SLC25A12: variants seen among roughly 807,000 people sequenced by gnomAD.
SLC25A12 encodes the protein solute carrier family 25 member 12.
In SLC25A12, 32 loss-of-function variants were observed where a neutral mutation model predicts 83.3. That is an observed-to-expected ratio of 0.38 (90% CI 0.29 to 0.52). SLC25A12 has a LOEUF of 0.52. Among genes scored for constraint, SLC25A12 ranks in the 20% least tolerant of loss-of-function variants. SLC25A12 has a pLI of 0.84. For synonymous variants in SLC25A12, 267 were observed against 291.1 expected (o/e 0.92, Z 0.84); for missense variants, 611 against 835.6 (o/e 0.73, Z 3.31).
At chr2:171,821,601 A>G (rs1684194871) in intron 9 of SLC25A12, among the ~76,000 whole-genome samples, 1 of 151,972 alleles carries the variant, frequency 6.6e-6, no homozygotes, top group Admixed American at 6.6e-5. Context: ...AAACTTTTCT[A>G]TTATTTTTCC....
chr2:171,828,569 G>T (rs1402835330), intron 8 of SLC25A12, among the ~76,000 whole-genome samples: 1 of 152,076 alleles, frequency 6.6e-6, no homozygotes, highest in East Asian at 1.9e-4. Flanking sequence ...CCTTACACAG[G>T]GTCCACTGTC....
At chr2:171,874,951 T>A (rs890817490) in intron 2 of SLC25A12, among the ~76,000 whole-genome samples, 1 of 152,220 alleles carries the variant, frequency 6.6e-6, no homozygotes, top group Non-Finnish European at 1.5e-5. Flanking sequence ...GCTACTCCCT[T>A]CGCAAACCCC....
At chr2:171,847,538 C>T (rs1353145708) in intron 4 of SLC25A12, among the ~76,000 whole-genome samples, 2 of 152,166 alleles carry the variant, frequency 1.3e-5, no homozygotes, top group African/African-American at 4.8e-5. Flanking sequence ...GCAAGTTCCA[C>T]CCACCCCCAG....
chr2:171,874,449 C>A (rs773307929), intron 2 of SLC25A12, among the ~76,000 whole-genome samples: 1 of 152,128 alleles, frequency 6.6e-6, no homozygotes, highest in South Asian at 2.1e-4. Context: ...GATCTTTGTT[C>A]TCGCTCTTCA....
At chr2:171,878,799 T>C (rs904650023) in intron 2 of SLC25A12, among the ~76,000 whole-genome samples, 4 of 152,174 alleles carry the variant, frequency 2.6e-5, no homozygotes, top group Admixed American at 2.0e-4. Flanking sequence ...ATTTGAACAA[T>C]AAAAGAGGAC....
intron 8 of SLC25A12, among the ~76,000 whole-genome samples, chr2:171,829,773 T>C (rs994875027): frequency 6.6e-6 from 1 of 152,190 alleles, no homozygotes; most frequent in African/African-American, 2.4e-5. Context: ...AGCAACTTGT[T>C]GCACCCTGTT....
intron 5 of SLC25A12, among the ~76,000 whole-genome samples, chr2:171,838,969 G>T (rs1684616133): frequency 6.6e-6 from 1 of 152,030 alleles, no homozygotes; most frequent in African/African-American, 2.4e-5. Flanking sequence ...TAAAATTAAT[G>T]ACTTAAAAAT....
Position 171,893,238 on chromosome 2 carries a change from C to G in SLC25A12, c.33G>C (p.Gly11=), listed in dbSNP as rs772091077. The G allele has an allele frequency of 4.3e-6, 7 of 1,613,896 alleles. No homozygotes were observed. In the East Asian group the frequency reaches 1.3e-4, roughly 31 times the overall value. Reference sequence around the variant, plus strand: ...ATATGTTTCTTAACTCATGAGGATCCCCTCGCTTAGTTGTCTGCACCTGTA... The same window carrying G: ...ATATGTTTCTTAACTCATGAGGATCGCCTCGCTTAGTTGTCTGCACCTGTA... MAVKVQTTKR[G]DPHELRNIFL... The change falls in exon 2 of 18, where the codon GGG becomes GGC. Residue 11 remains glycine (G), a synonymous_variant. Coordinates refer to ENST00000422440, the MANE Select transcript of SLC25A12 (RefSeq NM_003705.5).
intron 5 of SLC25A12, among the ~76,000 whole-genome samples, chr2:171,837,768 A>T (rs1014459575): frequency 6.6e-5 from 10 of 152,106 alleles, no homozygotes; most frequent in African/African-American, 2.4e-4. Context: ...TTTCAAACAA[A>T]TTTTTCAAAT....
At chr2:171,831,678 G>C (rs1244065653) in intron 8 of SLC25A12, among the ~76,000 whole-genome samples, 2 of 152,106 alleles carry the variant, frequency 1.3e-5, no homozygotes, top group African/African-American at 4.8e-5. Flanking sequence ...GGCCAAGGTG[G>C]GTAGATCATC....
chr2:171,881,874 G>C (rs762672558), intron 2 of SLC25A12, among the ~76,000 whole-genome samples: 52 of 152,114 alleles, frequency 3.4e-4, no homozygotes, highest in Non-Finnish European at 6.6e-4. Flanking sequence ...GATGGGGAGA[G>C]GAAGACCACC....
chr2:171,877,164 C>G (rs145593790), intron 2 of SLC25A12, among the ~76,000 whole-genome samples: 151 of 152,244 alleles, frequency 9.9e-4, no homozygotes, highest in Middle Eastern at 3.4e-3. Context: ...AAATTATTGT[C>G]TATAAAAGAT....
intron 2 of SLC25A12, among the ~76,000 whole-genome samples, chr2:171,884,329 T>G (rs554147334): frequency 9.9e-4 from 151 of 151,916 alleles, no homozygotes; most frequent in Middle Eastern, 3.4e-3. Context: ...TAGCTGGGAT[T>G]ACAGGCGCCC....
chr2:171,821,300 A>T (rs1684187043), intron 9 of SLC25A12, among the ~76,000 whole-genome samples: 1 of 152,022 alleles, frequency 6.6e-6, no homozygotes, highest in Non-Finnish European at 1.5e-5. Context: ...TACAGGTGTG[A>T]GCCACCACAC....
intron 2 of SLC25A12, among the ~76,000 whole-genome samples, chr2:171,877,245 T>C (rs1685591612): frequency 1.3e-5 from 2 of 152,202 alleles, no homozygotes; most frequent in South Asian, 4.1e-4. Flanking sequence ...GAGAAGATCA[T>C]GCCATTTAAA....
At chr2:171,802,634 G>A (rs1055852773) in intron 13 of SLC25A12, among the ~76,000 whole-genome samples, 2 of 152,158 alleles carry the variant, frequency 1.3e-5, no homozygotes, top group Non-Finnish European at 2.9e-5. Flanking sequence ...AAATTAGCCA[G>A]GCCTGGTGGC....
At chr2:171,852,264 C>T (rs1211917740) in intron 4 of SLC25A12, among the ~76,000 whole-genome samples, 1 of 152,126 alleles carries the variant, frequency 6.6e-6, no homozygotes, top group Non-Finnish European at 1.5e-5. Context: ...TATATAAACA[C>T]TCAAGTAAAT....
At position 171,788,419 on chromosome 2, in the gene SLC25A12, C is replaced by T. The variant is rs767264555; in HGVS notation, c.1586-472G>A. On this transcript the variant is annotated intron_variant, in intron 15 of 17. Coordinates refer to ENST00000422440, the MANE Select transcript of SLC25A12 (RefSeq NM_003705.5). ...GTAGTGTGGGAAGTGAATATCAATA[C>T]TTATAATCACTCGCTTGTTTGAAGG... 1.5e-3 allele frequency: 273 copies of T among 183,076 alleles called. 2 individuals carry two copies. The highest frequency in any genetic ancestry group is 2.6e-3 in the Non-Finnish European group (223 of 87,356). 11.3% of individuals were successfully genotyped at this position (183,076 alleles called of 1,614,324 possible).
intron 5 of SLC25A12, among the ~76,000 whole-genome samples, chr2:171,843,293 T>C (rs1259702711): frequency 6.6e-6 from 1 of 152,160 alleles, no homozygotes; most frequent in African/African-American, 2.4e-5. Context: ...AATGACTTAG[T>C]ATTAGTACAC....
Sources: gnomAD v4.1 joint callset for allele counts (sites outside exome capture counted in the v4.1 genomes callset) on GRCh38, gnomAD v4.1.1 for gene constraint, MANE v1.5 for transcripts, NCBI Gene and HGNC (gene_info 2026-07-23, HGNC 2026-07-21) for gene names.